ABTB2: variants seen among roughly 807,000 people sequenced by gnomAD.
ABTB2 encodes ankyrin repeat and BTB domain containing 2.
In ABTB2, 56 loss-of-function variants were observed where a neutral mutation model predicts 104.1. That is an observed-to-expected ratio of 0.54 (90% CI 0.43 to 0.67). The LOEUF is 0.67. Among genes scored for constraint, ABTB2 ranks in the 30% least tolerant of loss-of-function variants. ABTB2 has a pLI of 0.00. For synonymous variants in ABTB2, 606 were observed against 608.2 expected (o/e 1.00, Z 0.05); for missense variants, 1,279 against 1,407.7 (o/e 0.91, Z 1.46).
rs560399599 is a variant in ABTB2 at position 34,299,293 on chromosome 11, C to T, written c.883+57408G>A. ...AAAATAAGCTGTCTTCGGATCATTT[C>T]TAGGACACGGCTATACACGATGGTC... On this transcript the variant is annotated intron_variant, in intron 1 of 16. Transcript: ENST00000435224. 2.6e-5 allele frequency among the ~76,000 whole-genome samples: 4 copies of T among 152,280 alleles called. No homozygotes were observed. In the South Asian group the frequency reaches 8.3e-4, roughly 32 times the overall value.
chr11:34,331,624 T>A (rs969814316), intron 1 of ABTB2, among the ~76,000 whole-genome samples: 45 of 152,210 alleles, frequency 3.0e-4, no homozygotes, highest in African/African-American at 1.0e-3. Context: ...CTTCTGGCTC[T>A]GTAATGAGGT....
At chr11:34,283,846 C>T (rs2755156) in intron 1 of ABTB2, among the ~76,000 whole-genome samples, 1,615 of 152,336 alleles carry the variant, frequency 0.011, 24 homozygotes, top group African/African-American at 0.036. Context: ...AGGCTTCCAA[C>T]TGGCTTTCTT....
At chr11:34,343,413 T>C (rs994232324) in intron 1 of ABTB2, among the ~76,000 whole-genome samples, 1 of 152,106 alleles carries the variant, frequency 6.6e-6, no homozygotes, top group Non-Finnish European at 1.5e-5. Flanking sequence ...TGCCAGACCA[T>C]TTATTTCAGA....
intron 1 of ABTB2, among the ~76,000 whole-genome samples, chr11:34,338,397 A>G (rs1052553114): frequency 5.3e-5 from 8 of 150,496 alleles, no homozygotes; most frequent in African/African-American, 1.2e-4. Flanking sequence ...GAAAAGAAAA[A>G]AAAAATACAG....
chr11:34,309,147 G>C (rs2133103910), intron 1 of ABTB2, among the ~76,000 whole-genome samples: 1 of 152,248 alleles, frequency 6.6e-6, no homozygotes, highest in Non-Finnish European at 1.5e-5. Context: ...TTCTGGAGGG[G>C]GCCTGGCAAT....
At chr11:34,167,400 C>T (rs747335101) in intron 6 of ABTB2, 40 bp from the exon 7 acceptor site, 12 of 1,548,064 alleles carry the variant, frequency 7.8e-6, no homozygotes, top group African/African-American at 2.7e-5. Flanking sequence ...TCTGGGCACC[C>T]GAGCGAAGGG....
At chr11:34,223,381 G>A (rs951108653) in intron 1 of ABTB2, among the ~76,000 whole-genome samples, 29 of 152,124 alleles carry the variant, frequency 1.9e-4, no homozygotes, top group African/African-American at 3.4e-4. Context: ...AAAATTCTCC[G>A]CTCTCCTGCT....
chr11:34,162,809 C>A lies in ABTB2; in HGVS notation c.1989-4G>T, dbSNP rs760967539. 1.4e-5 allele frequency: 23 copies of A among 1,597,392 alleles called. No individual in the cohort carries two copies. The highest frequency in any genetic ancestry group is 1.8e-5 in the Non-Finnish European group (21 of 1,177,770). The stretch of plus-strand genomic sequence containing the variant: ...CAGGAGCTTCCTCAGGACGTTCCTG[C>A]AGGCCCAGGGATGAATGAAGGTGAG... On this transcript the variant is annotated splice_region_variant and splice_polypyrimidine_tract_variant and intron_variant, in intron 9 of 16. Transcript: ENST00000435224.
At chr11:34,306,236 A>ATTGTTTTT (rs1854768977) in intron 1 of ABTB2, among the ~76,000 whole-genome samples, 1 of 71,960 alleles carries the variant, frequency 1.4e-5, no homozygotes, top group East Asian at 5.1e-4. Context: ...GGAAAGTTTG[A>ATTGTTTTT]TTTTTTTTTT....
chr11:34,357,558 A>G lies in ABTB2; in HGVS notation c.26T>C (p.Leu9Pro), dbSNP rs578032084. Residue 9 changes from leucine to proline, a missense_variant, in exon 1 of 17, where the codon CTG becomes CCG. Coordinates refer to ENST00000435224, the MANE Select transcript of ABTB2 (RefSeq NM_145804.3). MAGTYSST[L>P]KTLEDLTLDS... is the part of the protein sequence containing the mutation. ...CAAGGTCAAGTCCTCCAGCGTCTTC[A>G]GAGTCGAGCTGTACGTCCCGGCCAT... 15 of 1,526,734 alleles carry G rather than the reference A, an allele frequency of 9.8e-6. No homozygotes were observed. Among genetic ancestry groups the G allele is most frequent in the Non-Finnish European group, 1.3e-5 (15 of 1,139,102 alleles). The allele number at this position is 1,526,734 out of a possible 1,614,324, so 94.6% of individuals were successfully genotyped here.
intron 1 of ABTB2, among the ~76,000 whole-genome samples, chr11:34,298,114 A>G (rs922673558): frequency 2.0e-5 from 3 of 151,068 alleles, no homozygotes; most frequent in African/African-American, 7.3e-5. Flanking sequence ...TAAATTACCC[A>G]GTCTCAGGTG....
chr11:34,265,687 A>AAAAC (rs1854239643), intron 1 of ABTB2, among the ~76,000 whole-genome samples: 1 of 144,158 alleles, frequency 6.9e-6, no homozygotes, highest in Non-Finnish European at 1.5e-5. Context: ...AAAAAAAAAA[A>AAAAC]GCCGGGCACG....
intron 1 of ABTB2, among the ~76,000 whole-genome samples, chr11:34,221,432 A>G (rs1853621244): frequency 6.6e-6 from 1 of 152,268 alleles, no homozygotes; most frequent in Non-Finnish European, 1.5e-5. Flanking sequence ...AGAGGTACAT[A>G]GTTCAGCCCC....
chr11:34,165,157 C>T lies in ABTB2; in HGVS notation c.1852+103G>A, dbSNP rs115028225. The stretch of plus-strand genomic sequence containing the variant: ...GGTTTTAAGGCCCCTGCATGGGGTC[C>T]GTGTGTGCTAAAGAGACCCCTGCAC... On this transcript the variant is annotated intron_variant, in intron 8 of 16. Transcript: ENST00000435224. The T allele has an allele frequency of 1.4e-3, 1,515 of 1,081,808 alleles. 14 individuals carry two copies. The African/African-American group carries it at 0.02, about 14-fold the overall frequency. 67.0% of individuals were successfully genotyped at this position (1,081,808 alleles called of 1,614,324 possible).
intron 1 of ABTB2, among the ~76,000 whole-genome samples, chr11:34,211,262 C>T (rs1170655570): frequency 2.0e-5 from 3 of 152,130 alleles, no homozygotes; most frequent in African/African-American, 4.8e-5. Context: ...GGCACACTGC[C>T]GTGTCCAGCT....
At chr11:34,344,201 A>T (rs1353295635) in intron 1 of ABTB2, among the ~76,000 whole-genome samples, 1 of 152,176 alleles carries the variant, frequency 6.6e-6, no homozygotes, top group African/African-American at 2.4e-5. Flanking sequence ...AGTCACAATG[A>T]TCCACAGAAC....
In ABTB2 at chr11:34,237,276, CTTTTTTTTTTTTT is replaced by C. The variant is rs561473313; in HGVS notation, c.884-32599_884-32587del. ...TGTCCTCGTGATTTTCCTGGATATT[CTTTTTTTTTTTTT>C]TTTTTTTTTTAGACCGAGTCTCGCT... On this transcript the variant is annotated intron_variant, in intron 1 of 16. Transcript: ENST00000435224. Among the ~76,000 whole-genome samples, 41 of 116,238 alleles carry C rather than the reference CTTTTTTTTTTTTT, an allele frequency of 3.5e-4. 1 individual carries two copies. In the South Asian group the frequency reaches 0.01, roughly 29 times the overall value. The allele number at this position is 116,238 out of a possible 152,430, so 76.3% of individuals were successfully genotyped here.
chr11:34,294,872 C>T (rs1207212845), intron 1 of ABTB2, among the ~76,000 whole-genome samples: 2 of 152,042 alleles, frequency 1.3e-5, no homozygotes, highest in African/African-American at 2.4e-5. Context: ...CCAAACCATG[C>T]CCGGCTATTT....
intron 1 of ABTB2, among the ~76,000 whole-genome samples, chr11:34,222,810 T>C (rs1206964084): frequency 1.3e-5 from 2 of 152,162 alleles, no homozygotes; most frequent in Admixed American, 6.5e-5. Flanking sequence ...ATGGGAAAAC[T>C]AGGGCTCTCG....
Sources: gnomAD v4.1 joint callset for allele counts (sites outside exome capture counted in the v4.1 genomes callset) on GRCh38, gnomAD v4.1.1 for gene constraint, MANE v1.5 for transcripts, NCBI Gene and HGNC (gene_info 2026-07-23, HGNC 2026-07-21) for gene names.